Variants in SH3RF3 observed in about 807,000 individuals in gnomAD.
SH3RF3 encodes the protein SH3 domain containing ring finger 3, also known as E3 ubiquitin-protein ligase SH3RF3.
In SH3RF3, 29 loss-of-function variants were observed where a neutral mutation model predicts 66.3. The ratio of observed to expected loss-of-function variants is 0.44; its 90% CI spans 0.33 to 0.60. SH3RF3 has a LOEUF of 0.60. Among genes scored for constraint, SH3RF3 ranks in the 20% least tolerant of loss-of-function variants. The probability of loss-of-function intolerance (pLI) is 0.04; values close to 1 mark genes in which losing one functional copy is unlikely to be tolerated. For synonymous variants in SH3RF3, 583 were observed against 532.0 expected (o/e 1.10, Z -1.32); for missense variants, 1,194 against 1,190.9 (o/e 1.00, Z -0.04).
chr2:109,302,398 A>G (rs1320235587), intron 1 of SH3RF3, among the ~76,000 whole-genome samples: 1 of 152,248 alleles, frequency 6.6e-6, no homozygotes, highest in Non-Finnish European at 1.5e-5. Flanking sequence ...GACCATACCC[A>G]AACACAGAAC....
intron 1 of SH3RF3, among the ~76,000 whole-genome samples, chr2:109,257,737 C>CA (rs1680254899): frequency 6.6e-6 from 1 of 151,912 alleles, no homozygotes; most frequent in Admixed American, 6.6e-5. Context: ...TCTCAGTGTC[C>CA]AAAAAAACCA....
intron 1 of SH3RF3, among the ~76,000 whole-genome samples, chr2:109,180,249 C>T (rs1361386454): frequency 3.3e-5 from 5 of 152,172 alleles, no homozygotes; most frequent in African/African-American, 4.8e-5. Context: ...GCTTCGGCCT[C>T]CTTCCTTTGC....
At chr2:109,356,545 C>T (rs1243251319) in intron 2 of SH3RF3, among the ~76,000 whole-genome samples, 1 of 152,220 alleles carries the variant, frequency 6.6e-6, no homozygotes. Flanking sequence ...CTTCTCTTTA[C>T]CACAGGCCCC....
chr2:109,141,629 G>A (rs893797569), intron 1 of SH3RF3: 4 of 154,898 alleles, frequency 2.6e-5, no homozygotes, highest in African/African-American at 9.6e-5. Context: ...TTAGGGTGCA[G>A]ATCCCAGGAA....
intron 1 of SH3RF3, among the ~76,000 whole-genome samples, chr2:109,233,632 T>A (rs986445486): frequency 6.6e-6 from 1 of 152,252 alleles, no homozygotes; most frequent in Non-Finnish European, 1.5e-5. Context: ...ACCACCCTCT[T>A]CTACCCAGTA....
chr2:109,269,497 C>T (rs1405018535), intron 1 of SH3RF3, among the ~76,000 whole-genome samples: 2 of 152,174 alleles, frequency 1.3e-5, no homozygotes, highest in Non-Finnish European at 2.9e-5. Context: ...AGATAGTTGC[C>T]AAGCCAGGCG....
At chr2:109,236,283 G>GTTGT (rs1195702997) in intron 1 of SH3RF3, among the ~76,000 whole-genome samples, 1 of 152,146 alleles carries the variant, frequency 6.6e-6, no homozygotes, top group African/African-American at 2.4e-5. Context: ...TAAAGTCCAG[G>GTTGT]TTGTTTCTGC....
intron 1 of SH3RF3, among the ~76,000 whole-genome samples, chr2:109,132,488 G>T (rs1001907956): frequency 1.3e-5 from 2 of 152,158 alleles, no homozygotes; most frequent in Admixed American, 6.5e-5. Context: ...TCTCAGCTCT[G>T]CTCTCACCTG....
chr2:109,410,681 T>G (rs541496924), intron 4 of SH3RF3, among the ~76,000 whole-genome samples: 3 of 152,236 alleles, frequency 2.0e-5, no homozygotes. Flanking sequence ...TCGGAACATG[T>G]GTGTCCACTT....
chr2:109,466,556 G>C (rs1678351393), intron 8 of SH3RF3, among the ~76,000 whole-genome samples: 1 of 152,120 alleles, frequency 6.6e-6, no homozygotes, highest in Non-Finnish European at 1.5e-5. Flanking sequence ...GACAGTATCT[G>C]TTTCAGAGCA....
At chr2:109,222,993 C>T (rs1057378516) in intron 1 of SH3RF3, among the ~76,000 whole-genome samples, 11 of 152,240 alleles carry the variant, frequency 7.2e-5, no homozygotes, top group South Asian at 2.1e-4. Flanking sequence ...GTACTCACTG[C>T]ACCCTTCAGG....
chr2:109,437,183 C>G, intron 7 of SH3RF3, 37 bp downstream of exon 7: 1 of 1,572,282 alleles, frequency 6.4e-7, no homozygotes, highest in Non-Finnish European at 8.7e-7. Flanking sequence ...AGGGCATCAA[C>G]AAGGGGGCTT....
intron 1 of SH3RF3, among the ~76,000 whole-genome samples, chr2:109,343,059 G>A (rs1378122436): frequency 2.0e-5 from 3 of 152,160 alleles, no homozygotes; most frequent in Admixed American, 1.3e-4. Flanking sequence ...TTCCAAACAC[G>A]TCTGTGGGCA....
chr2:109,439,117 T>C (rs973661419), intron 7 of SH3RF3, among the ~76,000 whole-genome samples: 1 of 152,130 alleles, frequency 6.6e-6, no homozygotes, highest in Non-Finnish European at 1.5e-5. Context: ...CTTCTCCCTC[T>C]GTGGAATAAC....
intron 8 of SH3RF3, among the ~76,000 whole-genome samples, chr2:109,488,703 A>G (rs1679046533): frequency 6.6e-6 from 1 of 152,214 alleles, no homozygotes; most frequent in Non-Finnish European, 1.5e-5. Context: ...TTCTCTGAGA[A>G]CTAGACTCGG....
chr2:109,340,064 A>C (rs1031003747), intron 1 of SH3RF3, among the ~76,000 whole-genome samples: 2 of 152,138 alleles, frequency 1.3e-5, no homozygotes, highest in African/African-American at 4.8e-5. Flanking sequence ...GAGTCCTGTG[A>C]GCAGTAATCG....
intron 1 of SH3RF3, among the ~76,000 whole-genome samples, chr2:109,266,470 T>C (rs1274479144): frequency 6.6e-6 from 1 of 152,042 alleles, no homozygotes; most frequent in Non-Finnish European, 1.5e-5. Flanking sequence ...TTGGGAGTGG[T>C]CCCAGAACGG....
At chr2:109,239,192 C>T (rs1679721251) in intron 1 of SH3RF3, among the ~76,000 whole-genome samples, 1 of 152,090 alleles carries the variant, frequency 6.6e-6, no homozygotes, top group African/African-American at 2.4e-5. Flanking sequence ...GGTGTGAGCC[C>T]TGCACAGTGC....
intron 1 of SH3RF3, among the ~76,000 whole-genome samples, chr2:109,296,245 G>C (rs1270396525): frequency 6.7e-6 from 1 of 149,124 alleles, no homozygotes; most frequent in Non-Finnish European, 1.5e-5. Context: ...ATTATTATTC[G>C]AGATGGAGTT....
Sources: gnomAD v4.1 joint callset for allele counts (sites outside exome capture counted in the v4.1 genomes callset) on GRCh38, gnomAD v4.1.1 for gene constraint, MANE v1.5 for transcripts, NCBI Gene and HGNC (gene_info 2026-07-23, HGNC 2026-07-21) for gene names.